FGF1: variants seen among roughly 807,000 people sequenced by gnomAD.
FGF1 encodes beta-endothelial cell growth factor.
A neutral mutation model predicts 13.4 loss-of-function variants in FGF1; 9 were observed. The observed-to-expected ratio is 0.67, with a 90% CI of 0.40 to 1.17. The LOEUF is 1.17. Among genes scored for constraint, FGF1 ranks in the 50% most tolerant of loss-of-function variants. The pLI is 0.01. For synonymous variants in FGF1, 93 were observed against 79.0 expected (o/e 1.18, Z -0.94); for missense variants, 156 against 192.7 (o/e 0.81, Z 1.13).
At chr5:142,630,121 T>A (rs983407416) in intron 1 of FGF1, among the ~76,000 whole-genome samples, 1 of 152,068 alleles carries the variant, frequency 6.6e-6, no homozygotes, top group African/African-American at 2.4e-5. Flanking sequence ...CTCGATCTCC[T>A]GATCTCGTGA....
chr5:142,693,340 G>C (rs1263977304), intron 2 of FGF1, among the ~76,000 whole-genome samples: 4 of 151,884 alleles, frequency 2.6e-5, no homozygotes, highest in Non-Finnish European at 4.4e-5. Flanking sequence ...GCCCAGGCTG[G>C]AGTGCAGTGG....
intron 2 of FGF1, among the ~76,000 whole-genome samples, chr5:142,695,573 C>T (rs995369100): frequency 3.0e-5 from 4 of 133,554 alleles, no homozygotes; most frequent in African/African-American, 1.3e-4. Context: ...CAGAGCAAGA[C>T]TCTGTATCAA....
At chr5:142,675,528 G>A (rs1303598861) in intron 1 of FGF1, among the ~76,000 whole-genome samples, 1 of 152,198 alleles carries the variant, frequency 6.6e-6, no homozygotes, top group African/African-American at 2.4e-5. Flanking sequence ...CTATGAGGCA[G>A]TCAGGAGGAC....
At chr5:142,598,494 C>G (rs1476002592) in intron 3 of FGF1, among the ~76,000 whole-genome samples, 2 of 151,924 alleles carry the variant, frequency 1.3e-5, no homozygotes, top group East Asian at 3.9e-4. Flanking sequence ...GTGACATATA[C>G]TTACTGTAAA....
chr5:142,625,822 C>G (rs1315086547), intron 1 of FGF1, among the ~76,000 whole-genome samples: 1 of 152,244 alleles, frequency 6.6e-6, no homozygotes, highest in Non-Finnish European at 1.5e-5. Context: ...CAGAACCAGC[C>G]TGGCAAGGAC....
intron 1 of FGF1, among the ~76,000 whole-genome samples, chr5:142,683,821 CAAAAAAA>C (rs768317949): frequency 3.2e-4 from 16 of 49,750 alleles, no homozygotes; most frequent in African/African-American, 9.5e-4. Context: ...AACTCTGTCT[CAAAAAAA>C]AAAAAAAAAA....
chr5:142,637,382 C>G (rs539707078), intron 1 of FGF1, among the ~76,000 whole-genome samples: 5 of 150,506 alleles, frequency 3.3e-5, no homozygotes, highest in African/African-American at 1.2e-4. Flanking sequence ...TGCAGTGGCT[C>G]GATCTCAGCT....
intron 1 of FGF1, 57 bp from the exon 2 acceptor site, chr5:142,614,218 CTTTG>C: frequency 7.1e-7 from 1 of 1,414,482 alleles, no homozygotes; most frequent in Non-Finnish European, 9.8e-7. Flanking sequence ...ACAAAATGCA[CTTTG>C]AAGAGAGGAA....
intron 1 of FGF1, among the ~76,000 whole-genome samples, chr5:142,668,403 G>A (rs1212878465): frequency 6.6e-6 from 1 of 152,246 alleles, no homozygotes; most frequent in Non-Finnish European, 1.5e-5. Context: ...TGATGTTTAT[G>A]TGACCGTGAC....
intron 1 of FGF1, among the ~76,000 whole-genome samples, chr5:142,657,425 C>T (rs574279289): frequency 6.6e-6 from 1 of 152,292 alleles, no homozygotes; most frequent in Non-Finnish European, 1.5e-5. Context: ...CCCAACACCT[C>T]TCAGGCATCC....
intron 1 of FGF1, among the ~76,000 whole-genome samples, chr5:142,646,315 T>A (rs1313710386): frequency 4.2e-5 from 6 of 142,992 alleles, no homozygotes; most frequent in African/African-American, 7.7e-5. Context: ...TGCCTCAGCC[T>A]CCGAAGTAGC....
intron 2 of FGF1, among the ~76,000 whole-genome samples, chr5:142,602,686 G>T (rs1231972852): frequency 6.6e-6 from 1 of 151,696 alleles, no homozygotes; most frequent in Non-Finnish European, 1.5e-5. Flanking sequence ...CATACTAATG[G>T]TAATGTACTG....
At chr5:142,697,099 T>C (rs1374226215) in intron 2 of FGF1, among the ~76,000 whole-genome samples, 1 of 152,196 alleles carries the variant, frequency 6.6e-6, no homozygotes, top group Non-Finnish European at 1.5e-5. Context: ...AAAGGAACTC[T>C]TGAATCTGTT....
chr5:142,604,167 A>G (rs1436566029), intron 2 of FGF1, among the ~76,000 whole-genome samples: 1 of 152,188 alleles, frequency 6.6e-6, no homozygotes, highest in Non-Finnish European at 1.5e-5. Flanking sequence ...AAAATATTCT[A>G]AAATGGATTG....
At chr5:142,694,107 CT>C (rs1443758100) in intron 2 of FGF1, among the ~76,000 whole-genome samples, 2 of 150,470 alleles carry the variant, frequency 1.3e-5, no homozygotes, top group Non-Finnish European at 2.9e-5. Context: ...ATCTATCTAT[CT>C]ATCTATCTAT....
At chr5:142,638,974 C>T (rs1320325699) in intron 1 of FGF1, among the ~76,000 whole-genome samples, 2 of 151,946 alleles carry the variant, frequency 1.3e-5, no homozygotes, top group African/African-American at 4.8e-5. Flanking sequence ...AATGAGATAC[C>T]ACCTCATGCA....
At chr5:142,659,692 A>G (rs1768836154) in intron 1 of FGF1, among the ~76,000 whole-genome samples, 1 of 152,192 alleles carries the variant, frequency 6.6e-6, no homozygotes, top group Non-Finnish European at 1.5e-5. Context: ...TGAATAACAA[A>G]ATCTTTCAGA....
intron 1 of FGF1, among the ~76,000 whole-genome samples, chr5:142,677,624 C>T (rs1255324176): frequency 1.3e-5 from 2 of 152,162 alleles, no homozygotes; most frequent in Non-Finnish European, 2.9e-5. Context: ...GGCCCCTTTC[C>T]AGAGCTATAA....
chr5:142,614,075 A>G lies in FGF1; in HGVS notation c.53T>C (p.Leu18Pro). The G allele has an allele frequency of 6.2e-7, 1 of 1,614,182 alleles. No homozygotes were observed. Among genetic ancestry groups the G allele is most frequent in the Non-Finnish European group, 8.5e-7 (1 of 1,180,026 alleles). ...GGGCTTCTTGTAATTCCCTGGAGGC[A>G]GATTAAACTTCTCGGTCAGGGCTGT... is the stretch of plus-strand genomic sequence containing the variant. ...TFTALTEKFN[L>P]PPGNYKKPKL... The change falls in exon 2 of 4, where the codon CTG (leucine) becomes CCG (proline). Residue 18 changes from leucine to proline, a missense_variant. Physicochemically the swap from Leu to Pro is moderately conservative, Grantham distance 98 (BLOSUM62 -3). Coordinates refer to ENST00000337706, the MANE Select transcript of FGF1 (RefSeq NM_000800.5).
Sources: allele counts gnomAD v4.1 joint callset (sites outside exome capture counted in the v4.1 genomes callset), GRCh38; gene constraint gnomAD v4.1.1; transcripts MANE v1.5; gene names NCBI Gene and HGNC (gene_info 2026-07-23, HGNC 2026-07-21).